CSNK2A2IP: variants seen among roughly 807,000 people sequenced by gnomAD.
The protein encoded by CSNK2A2IP is casein kinase 2 subunit alpha' interacting protein, also known as casein kinase II subunit alpha'-interacting protein.
At chr3:88,466,377 TC>T in the CSNK2A2IP span, 1 of 1,231,884 alleles carries the variant, frequency 8.1e-7, no homozygotes, top group African/African-American at 1.6e-5. Flanking sequence ...CACCTGTCTG[TC>T]ACTCCAAGTT....
chr3:88,463,647 AAAC>A, the CSNK2A2IP span, among the ~76,000 whole-genome samples: 1 of 152,154 alleles, frequency 6.6e-6, no homozygotes, highest in East Asian at 1.9e-4. Flanking sequence ...AAAAGTCAGG[AAAC>A]AACAAGTGCT....
At chr3:88,440,743 T>A in the CSNK2A2IP span, among the ~76,000 whole-genome samples, 54 of 152,234 alleles carry the variant, frequency 3.5e-4, no homozygotes, top group Non-Finnish European at 5.7e-4. Context: ...TCTGTTTACA[T>A]CCTTGTATAC....
the CSNK2A2IP span, among the ~76,000 whole-genome samples, chr3:88,450,349 C>T: frequency 3.7e-4 from 56 of 152,158 alleles, no homozygotes; most frequent in East Asian, 9.9e-3. Context: ...ATGAATCCTC[C>T]ATACAGCACA....
the CSNK2A2IP span, among the ~76,000 whole-genome samples, chr3:88,440,669 T>C: frequency 2.0e-5 from 3 of 152,312 alleles, no homozygotes; most frequent in Admixed American, 6.5e-5. Flanking sequence ...TTGGAATTGT[T>C]TCTGTTTTCA....
At chr3:88,439,396 T>A in the CSNK2A2IP span, among the ~76,000 whole-genome samples, 1 of 151,830 alleles carries the variant, frequency 6.6e-6, no homozygotes, top group Non-Finnish European at 1.5e-5. Context: ...TCTGTAAACC[T>A]TTTTAGGTTT....
the CSNK2A2IP span, among the ~76,000 whole-genome samples, chr3:88,366,211 C>T: frequency 1.1e-4 from 16 of 152,224 alleles, no homozygotes; most frequent in South Asian, 4.1e-4. Flanking sequence ...TGTGCCAGGT[C>T]GTGGATTTTC....
the CSNK2A2IP span, among the ~76,000 whole-genome samples, chr3:88,454,285 A>G: frequency 6.6e-6 from 1 of 151,876 alleles, no homozygotes; most frequent in Non-Finnish European, 1.5e-5. Flanking sequence ...TTGCTTTCCT[A>G]TTGAATTTTG....
At chr3:88,379,412 CA>C in the CSNK2A2IP span, among the ~76,000 whole-genome samples, 1 of 152,112 alleles carries the variant, frequency 6.6e-6, no homozygotes, top group South Asian at 2.1e-4. Flanking sequence ...ATATTTTCTA[CA>C]GGCATTCTCT....
chr3:88,467,170 C>G, the CSNK2A2IP span: 1 of 401,042 alleles, frequency 2.5e-6, no homozygotes, highest in Non-Finnish European at 4.4e-6. Context: ...AAATAATTCT[C>G]AGCCACAATC....
chr3:88,467,224 A>C, the CSNK2A2IP span: 1 of 397,646 alleles, frequency 2.5e-6, no homozygotes, highest in South Asian at 1.3e-4. Context: ...CTCCTCCACC[A>C]CCTCCTCCTC....
chr3:88,370,144 C>T, the CSNK2A2IP span, among the ~76,000 whole-genome samples: 3 of 151,944 alleles, frequency 2.0e-5, no homozygotes, highest in East Asian at 3.9e-4. Context: ...CTATAACACA[C>T]CAGCTGTGCC....
the CSNK2A2IP span, among the ~76,000 whole-genome samples, chr3:88,463,970 GATAATA>G: frequency 6.6e-6 from 1 of 150,646 alleles, no homozygotes; most frequent in Non-Finnish European, 1.5e-5. Flanking sequence ...TATTATGCAT[GATAATA>G]ATAATAATAA....
chr3:88,402,720 T>G, the CSNK2A2IP span, among the ~76,000 whole-genome samples: 1 of 152,026 alleles, frequency 6.6e-6, no homozygotes, highest in Non-Finnish European at 1.5e-5. Context: ...ACCATATATT[T>G]GTACATAAAG....
the CSNK2A2IP span, among the ~76,000 whole-genome samples, chr3:88,342,501 G>T: frequency 6.6e-6 from 1 of 151,880 alleles, no homozygotes; most frequent in Non-Finnish European, 1.5e-5. Context: ...CCACCATGTG[G>T]CTGTTGCTGG....
chr3:88,466,977 C>T, the CSNK2A2IP span: 2 of 1,230,676 alleles, frequency 1.6e-6, no homozygotes, highest in Non-Finnish European at 2.0e-6. Context: ...TGAAAGAAAA[C>T]CAGCCTAATG....
chr3:88,467,225 C>T, the CSNK2A2IP span: 1 of 400,186 alleles, frequency 2.5e-6, no homozygotes, highest in Non-Finnish European at 4.4e-6. Flanking sequence ...TCCTCCACCA[C>T]CTCCTCCTCC....
the CSNK2A2IP span, among the ~76,000 whole-genome samples, chr3:88,419,942 G>A: frequency 1.3e-5 from 2 of 152,086 alleles, no homozygotes; most frequent in African/African-American, 4.8e-5. Context: ...AGGGAGTTAC[G>A]AAGAATCAGC....
At chr3:88,368,311 A>G in the CSNK2A2IP span, among the ~76,000 whole-genome samples, 1 of 151,942 alleles carries the variant, frequency 6.6e-6, no homozygotes, top group Non-Finnish European at 1.5e-5. Context: ...GGACAAAACA[A>G]AGGGAAAATT....
chr3:88,362,601 A>G, the CSNK2A2IP span, among the ~76,000 whole-genome samples: 1 of 152,204 alleles, frequency 6.6e-6, no homozygotes, highest in Non-Finnish European at 1.5e-5. Flanking sequence ...GGGCTTGCCC[A>G]AGGCCCATGG....
Sources: gnomAD v4.1 joint callset for allele counts (sites outside exome capture counted in the v4.1 genomes callset) on GRCh38, gnomAD v4.1.1 for gene constraint, MANE v1.5 for transcripts, NCBI Gene and HGNC (gene_info 2026-07-23, HGNC 2026-07-21) for gene names.